Variants in FRAS1 observed in about 807,000 individuals in gnomAD.
FRAS1 encodes the protein extracellular matrix organizing protein FRAS1.
In FRAS1, 290 loss-of-function variants were observed where a neutral mutation model predicts 435.2. That is an observed-to-expected ratio of 0.67 (90% confidence interval 0.61 to 0.73). FRAS1 has a LOEUF of 0.73. Ranked by LOEUF, FRAS1 falls within the 30% of genes least tolerant of loss-of-function variation. The pLI is 0.00. For synonymous variants in FRAS1, 1,800 were observed against 1,851.0 expected, an observed-to-expected ratio of 0.97 and a Z score of 0.71; for missense variants, 4,860 against 5,001.5, an observed-to-expected ratio of 0.97 and a Z score of 0.85.
At chr4:78,126,375 A>G (rs562851382) in intron 2 of FRAS1, among the ~76,000 whole-genome samples, 2 of 152,154 alleles carry the variant, frequency 1.3e-5, no homozygotes, top group Non-Finnish European at 2.9e-5. Context: ...GCAACACCCC[A>G]CCCTGCATCG....
chr4:78,355,225 C>G (rs1208829725), intron 20 of FRAS1, among the ~76,000 whole-genome samples: 3 of 151,862 alleles, frequency 2.0e-5, no homozygotes, highest in African/African-American at 7.3e-5. Flanking sequence ...TATTAATTTG[C>G]TTGTTTACAG....
intron 32 of FRAS1, 30 bp downstream of exon 32, chr4:78,413,115 A>G (rs775051922): frequency 1.0e-5 from 14 of 1,348,234 alleles, no homozygotes; most frequent in Non-Finnish European, 1.5e-5. Context: ...TGTGGTTTCC[A>G]CTTAGAGGAG....
intron 2 of FRAS1, among the ~76,000 whole-genome samples, chr4:78,077,918 A>C (rs67936831): frequency 2.0e-5 from 3 of 150,700 alleles, no homozygotes; most frequent in Admixed American, 6.6e-5. Flanking sequence ...AAAAAAAAAA[A>C]CAGCAAATAT....
At chr4:78,481,055 A>G (rs189813666) in intron 56 of FRAS1, among the ~76,000 whole-genome samples, 53 of 152,352 alleles carry the variant, frequency 3.5e-4, no homozygotes, top group Non-Finnish European at 6.0e-4. Flanking sequence ...CTACTATAGC[A>G]TGTTTCTTTT....
At chr4:78,078,542 ATATC>A (rs1210591883) in intron 2 of FRAS1, among the ~76,000 whole-genome samples, 1 of 152,170 alleles carries the variant, frequency 6.6e-6, no homozygotes, top group East Asian at 1.9e-4. Flanking sequence ...ACATTTAAAA[ATATC>A]TAATAGTGTA....
At chr4:78,240,353 G>A (rs1211990920) in intron 3 of FRAS1, among the ~76,000 whole-genome samples, 1 of 152,146 alleles carries the variant, frequency 6.6e-6, no homozygotes, top group African/African-American at 2.4e-5. Flanking sequence ...GATAGTGTAG[G>A]GATCAAGAGA....
At chr4:78,218,534 T>A (rs1473802841) in intron 2 of FRAS1, among the ~76,000 whole-genome samples, 2 of 152,204 alleles carry the variant, frequency 1.3e-5, no homozygotes, top group Non-Finnish European at 2.9e-5. Flanking sequence ...TGTCGTATGA[T>A]ATCTGATTGA....
intron 2 of FRAS1, among the ~76,000 whole-genome samples, chr4:78,225,172 T>C (rs1724217303): frequency 6.6e-6 from 1 of 152,212 alleles, no homozygotes; most frequent in Admixed American, 6.5e-5. Flanking sequence ...GAATCTCAGA[T>C]GTGTTATCTG....
rs562702750 is a variant in FRAS1 at position 78,114,614 on chromosome 4, A to G, written c.108+48598A>G. ...AATTGTGAATGGGGGTTCACTCATG[A>G]TTTGGCTCTCTGTTTGTCTGTTATT... On this transcript the variant is annotated intron_variant, in intron 2 of 73. Coordinates refer to ENST00000512123, the MANE Select transcript of FRAS1 (RefSeq NM_025074.7). Among the ~76,000 whole-genome samples, 18 of 151,588 alleles carry G rather than the reference A, an allele frequency of 1.2e-4. No individual in the cohort carries two copies. The South Asian group carries it at 3.1e-3, about 26-fold the overall frequency.
intron 2 of FRAS1, chr4:78,068,692 G>A (rs1196367460): frequency 2.3e-5 from 9 of 387,608 alleles, no homozygotes; most frequent in Non-Finnish European, 1.5e-5. Context: ...CCATAGGGGT[G>A]AGTCACTAAA....
chr4:78,305,131 T>C (rs1343227661), intron 14 of FRAS1, among the ~76,000 whole-genome samples: 4 of 152,016 alleles, frequency 2.6e-5, no homozygotes, highest in African/African-American at 4.8e-5. Context: ...CCAGTAGTCA[T>C]TCAGGAGCAG....
chr4:78,070,003 A>G (rs911431874), intron 2 of FRAS1, among the ~76,000 whole-genome samples: 1 of 151,972 alleles, frequency 6.6e-6, no homozygotes, highest in Non-Finnish European at 1.5e-5. Context: ...CTTCGGTCCC[A>G]TATGCCCACC....
At chr4:78,218,256 G>A (rs1447578212) in intron 2 of FRAS1, among the ~76,000 whole-genome samples, 2 of 151,152 alleles carry the variant, frequency 1.3e-5, no homozygotes, top group Admixed American at 1.3e-4. Flanking sequence ...CAGAGAGAGG[G>A]GAACTATCTC....
chr4:78,244,150 C>T (rs1226127525), intron 3 of FRAS1, among the ~76,000 whole-genome samples: 1 of 152,006 alleles, frequency 6.6e-6, no homozygotes, highest in Non-Finnish European at 1.5e-5. Flanking sequence ...AAACTTAGTC[C>T]TATTTCCCAT....
intron 23 of FRAS1, among the ~76,000 whole-genome samples, chr4:78,370,252 G>A (rs937542166): frequency 1.6e-4 from 24 of 152,110 alleles, no homozygotes; most frequent in Non-Finnish European, 4.4e-5. Flanking sequence ...AAATCCTCAG[G>A]TTATATATGG....
chr4:78,540,472 TC>T, intron 73 of FRAS1, 58 bp from the exon 74 acceptor site: 4 of 1,123,060 alleles, frequency 3.6e-6, no homozygotes, highest in Non-Finnish European at 3.7e-6. Flanking sequence ...TCCTTCCATT[TC>T]CTTTCTTCAG....
chr4:78,539,492 TGAAA>T, intron 73 of FRAS1, 52 bp downstream of exon 73: 1 of 1,305,412 alleles, frequency 7.7e-7, no homozygotes, highest in Non-Finnish European at 1.0e-6. Context: ...CTTTAAAGCT[TGAAA>T]AAAAAAAAAA....
intron 17 of FRAS1, among the ~76,000 whole-genome samples, chr4:78,318,222 T>C (rs1462706740): frequency 6.6e-6 from 1 of 152,318 alleles, no homozygotes; most frequent in East Asian, 1.9e-4. Context: ...GAGTTAATTG[T>C]ATTCAAATGT....
chr4:78,441,131 C>G, intron 40 of FRAS1, 31 bp from the exon 41 acceptor site: 1 of 1,610,940 alleles, frequency 6.2e-7, no homozygotes, highest in Non-Finnish European at 8.5e-7. Flanking sequence ...GTGAAATCAC[C>G]AAGGACTCTC....
Sources: allele counts gnomAD v4.1 joint callset (sites outside exome capture counted in the v4.1 genomes callset), GRCh38; gene constraint gnomAD v4.1.1; transcripts MANE v1.5; gene names NCBI Gene and HGNC (gene_info 2026-07-23, HGNC 2026-07-21).